Variants in CAB39 observed in about 807,000 individuals in gnomAD.
CAB39 encodes calcium binding protein 39.
Under a neutral mutation model 40.0 loss-of-function variants are expected in CAB39, and 8 were observed. That is an observed-to-expected ratio of 0.20 (90% CI 0.12 to 0.36). The LOEUF is 0.36. Ranked by LOEUF, CAB39 falls within the 10% of genes least tolerant of loss-of-function variation. The pLI, the probability that CAB39 is intolerant of heterozygous loss-of-function variation, is 1.00. For missense variants in CAB39, 270 were observed against 401.1 expected (o/e 0.67, Z 2.79); for synonymous variants, 156 against 141.6 (o/e 1.10, Z -0.72).
intron 7 of CAB39, among the ~76,000 whole-genome samples, chr2:230,817,381 G>T (rs1696420034): frequency 6.6e-6 from 1 of 152,206 alleles, no homozygotes; most frequent in African/African-American, 2.4e-5. Flanking sequence ...TTTGTGGTTA[G>T]TTAACAGGAA....
At chr2:230,722,369 C>T (rs981321352) in intron 1 of CAB39, among the ~76,000 whole-genome samples, 2 of 152,154 alleles carry the variant, frequency 1.3e-5, no homozygotes, top group African/African-American at 4.8e-5. Context: ...ATTGCCCAGG[C>T]TGGCCTCAAA....
intron 2 of CAB39, among the ~76,000 whole-genome samples, chr2:230,766,825 C>T (rs1052033527): frequency 6.6e-6 from 1 of 152,170 alleles, no homozygotes; most frequent in Non-Finnish European, 1.5e-5. Flanking sequence ...CCATGCCTGG[C>T]CTGGGGGTTA....
intron 1 of CAB39, among the ~76,000 whole-genome samples, chr2:230,751,757 T>C (rs1443000743): frequency 6.6e-6 from 1 of 152,146 alleles, no homozygotes; most frequent in African/African-American, 2.4e-5. Flanking sequence ...TCATCTGGTC[T>C]CCATCTGTTC....
chr2:230,722,571 T>C (rs139832939), intron 1 of CAB39, among the ~76,000 whole-genome samples: 381 of 152,360 alleles, frequency 2.5e-3, no homozygotes, highest in Admixed American at 5.2e-3. Context: ...GCAGGGTGTT[T>C]AATGCCTCTT....
At chr2:230,818,471 G>A (rs748968569) in intron 8 of CAB39, 45 bp from the exon 9 acceptor site, 6 of 1,556,884 alleles carry the variant, frequency 3.9e-6, no homozygotes, top group East Asian at 2.3e-5. Context: ...GTGTGGCTGC[G>A]TTTTGTCCTT....
intron 2 of CAB39, among the ~76,000 whole-genome samples, chr2:230,762,254 A>G (rs1362077213): frequency 6.6e-6 from 1 of 152,144 alleles, no homozygotes. Context: ...TTCTCATTTT[A>G]TTGGTCAATG....
At chr2:230,738,384 C>A (rs921779204) in intron 1 of CAB39, among the ~76,000 whole-genome samples, 4 of 152,230 alleles carry the variant, frequency 2.6e-5, no homozygotes, top group African/African-American at 9.7e-5. Flanking sequence ...TATATTTGAT[C>A]ATACCAGTCA....
At chr2:230,811,363 C>T (rs1410130582) in intron 6 of CAB39, among the ~76,000 whole-genome samples, 1 of 152,158 alleles carries the variant, frequency 6.6e-6, no homozygotes, top group African/African-American at 2.4e-5. Flanking sequence ...TAACACAACA[C>T]TGAGCACACA....
rs1001760476 is a variant in CAB39, at chr2:230,738,233, T to C, written c.-43-21726T>C. 7.2e-5 allele frequency among the ~76,000 whole-genome samples: 11 copies of C among 152,348 alleles called. 1 individual carries two copies. The South Asian group carries it at 2.1e-3, about 29-fold the overall frequency. Reference sequence around the variant, plus strand: ...CTGTATTTGTGCCTTTCTCCCCAGCTGTATTCTAAGTCCTGAAACACCTAG... The same window carrying C: ...CTGTATTTGTGCCTTTCTCCCCAGCCGTATTCTAAGTCCTGAAACACCTAG... On this transcript the variant is annotated intron_variant, in intron 1 of 8. Coordinates refer to ENST00000258418, the MANE Select transcript of CAB39 (RefSeq NM_016289.4).
At chr2:230,814,350 G>A (rs996271817) in intron 7 of CAB39, among the ~76,000 whole-genome samples, 1 of 152,072 alleles carries the variant, frequency 6.6e-6, no homozygotes, top group Non-Finnish European at 1.5e-5. Context: ...GTTTGAAGAA[G>A]ACTTCATCTC....
intron 2 of CAB39, among the ~76,000 whole-genome samples, chr2:230,761,060 ATT>A (rs60147780): frequency 7.7e-5 from 11 of 143,012 alleles, no homozygotes; most frequent in Admixed American, 7.0e-5. Context: ...CAGAGTTTGG[ATT>A]TTTTTTTTTT....
At chr2:230,795,959 T>C (rs535044468) in intron 4 of CAB39, among the ~76,000 whole-genome samples, 1 of 152,340 alleles carries the variant, frequency 6.6e-6, no homozygotes, top group Admixed American at 6.5e-5. Flanking sequence ...ATATTTGATA[T>C]GTCTCAATCC....
At chr2:230,776,736 G>A (rs1695594184) in intron 2 of CAB39, among the ~76,000 whole-genome samples, 1 of 151,218 alleles carries the variant, frequency 6.6e-6, no homozygotes, top group Admixed American at 6.6e-5. Context: ...TGTCACCCAG[G>A]CTGGCATGCG....
chr2:230,720,611 G>T (rs1444699131), intron 1 of CAB39, among the ~76,000 whole-genome samples: 1 of 151,976 alleles, frequency 6.6e-6, no homozygotes, highest in African/African-American at 2.4e-5. Context: ...AATTTTAGAC[G>T]GGGTTTCACC....
Position 230,789,750 on chromosome 2 carries a change from A to G in CAB39, c.115-1122A>G, listed in dbSNP as rs566674150. Among the ~76,000 whole-genome samples, 6 of 151,552 alleles carry G rather than the reference A, an allele frequency of 4.0e-5. No homozygotes were observed. In the East Asian group the frequency reaches 1.2e-3, roughly 30 times the overall value. ...TCTCTGCCACTCTGCCCTGTTGTAA[A>G]CTCTAGTCTTCTTGGCCTCCCTGGG... On this transcript the variant is annotated intron_variant, in intron 2 of 8. Transcript: ENST00000258418.
rs1432386747 is a variant in CAB39, at chr2:230,713,382, C to T, written c.-44+152C>T. Among the ~76,000 whole-genome samples the T allele has an allele frequency of 3.3e-5, 5 of 152,196 alleles. No individual in the cohort carries two copies. In the South Asian group the frequency reaches 8.3e-4, roughly 25 times the overall value. On this transcript the variant is annotated intron_variant, in intron 1 of 8. Coordinates refer to ENST00000258418, the MANE Select transcript of CAB39 (RefSeq NM_016289.4). ...TTGTCCCCGGAGCCCCCGGGAGCAG[C>T]CGGGCCCAGCCTGCCCTCTCCGCCC...
intron 1 of CAB39, among the ~76,000 whole-genome samples, chr2:230,748,831 A>AAAAAAATATATATATAT (rs1386799920): frequency 3.5e-4 from 10 of 28,504 alleles, no homozygotes; most frequent in Admixed American, 2.6e-3. Flanking sequence ...AAAAAAAAAA[A>AAAAAAATATATATATAT]ATATATATAT....
intron 7 of CAB39, 66 bp from the exon 8 acceptor site, chr2:230,817,688 G>GT (rs1559621248): frequency 7.9e-7 from 1 of 1,272,140 alleles, no homozygotes. Context: ...AAAATAAATT[G>GT]TTTTTTTAAA....
intron 1 of CAB39, among the ~76,000 whole-genome samples, chr2:230,731,607 A>T (rs2124874579): frequency 6.6e-6 from 1 of 152,288 alleles, no homozygotes. Context: ...GGCTCAAGTA[A>T]TCGTCCCTCC....
Sources: allele counts gnomAD v4.1 joint callset (sites outside exome capture counted in the v4.1 genomes callset), GRCh38; gene constraint gnomAD v4.1.1; transcripts MANE v1.5; gene names NCBI Gene and HGNC (gene_info 2026-07-23, HGNC 2026-07-21).